The following HERC1 variants were observed in gnomAD, a reference collection of about 807,000 sequenced individuals.
HERC1 encodes probable E3 ubiquitin-protein ligase HERC1.
In HERC1, 160 loss-of-function variants were observed where a neutral mutation model predicts 554.3. The ratio of observed to expected loss-of-function variants is 0.29; its 90% confidence interval spans 0.25 to 0.33. The LOEUF is 0.33. Among genes scored for constraint, HERC1 ranks in the 10% least tolerant of loss-of-function variants. The pLI, the probability that HERC1 is intolerant of heterozygous loss-of-function variation, is 1.00. For missense variants in HERC1, 4,919 were observed against 5,918.5 expected (o/e 0.83, Z 5.54); for synonymous variants, 2,175 against 2,131.7 (o/e 1.02, Z -0.56).
chr15:63,741,092 G>A (rs1197376987), intron 12 of HERC1, among the ~76,000 whole-genome samples: 3 of 151,558 alleles, frequency 2.0e-5, no homozygotes, highest in Admixed American at 2.0e-4. Flanking sequence ...GCAATGGTGC[G>A]GTCTCCACTC....
At chr15:63,733,888 A>AT (rs1312230958) in intron 13 of HERC1, among the ~76,000 whole-genome samples, 1 of 151,862 alleles carries the variant, frequency 6.6e-6, no homozygotes, top group African/African-American at 2.4e-5. Flanking sequence ...TGGACCAGGC[A>AT]TAGTGGTCTC....
chr15:63,621,859 C>T (rs943402294), intron 74 of HERC1, among the ~76,000 whole-genome samples: 1 of 152,068 alleles, frequency 6.6e-6, no homozygotes, highest in Non-Finnish European at 1.5e-5. Context: ...TTAAGGACTT[C>T]TCTGCATTGG....
rs1373918991 is a variant in HERC1, at chr15:63,694,286, T to C, written c.5480+26A>G. The C allele has an allele frequency of 6.3e-7, 1 of 1,597,340 alleles. No homozygotes were observed. Among genetic ancestry groups the C allele is most frequent in the African/African-American group, 1.3e-5 (1 of 74,628 alleles). On this transcript the variant is annotated intron_variant, in intron 29 of 77. Transcript: ENST00000443617. The surrounding 1 kb of genome is among the most constrained non-coding windows in gnomAD (Gnocchi z 4.3). ...GGAGGAAGACCAGACTTCATACAGT[T>C]CTACAAAGACATCTACCATACTTAC...
intron 12 of HERC1, among the ~76,000 whole-genome samples, chr15:63,745,533 A>G (rs1296478887): frequency 6.6e-6 from 1 of 152,148 alleles, no homozygotes; most frequent in Non-Finnish European, 1.5e-5. Flanking sequence ...TTTCTGCTCT[A>G]ACAGGATAGC....
chr15:63,826,574 A>G (rs2077910802), intron 1 of HERC1, among the ~76,000 whole-genome samples: 1 of 151,836 alleles, frequency 6.6e-6, no homozygotes, highest in South Asian at 2.1e-4. Flanking sequence ...TAGCACTTCC[A>G]TTAAATGCAA....
At chr15:63,822,054 G>A (rs2077719100) in intron 1 of HERC1, among the ~76,000 whole-genome samples, 1 of 151,840 alleles carries the variant, frequency 6.6e-6, no homozygotes, top group Non-Finnish European at 1.5e-5. Context: ...TGAAGTCTGA[G>A]GCACTCTCTT....
intron 19 of HERC1, among the ~76,000 whole-genome samples, chr15:63,720,704 A>C (rs2073782379): frequency 6.6e-6 from 1 of 152,228 alleles, no homozygotes; most frequent in South Asian, 2.1e-4. Context: ...TCAGGCTCTT[A>C]GGAAATCATC....
intron 13 of HERC1, 64 bp from the exon 14 acceptor site, chr15:63,733,209 G>A (rs2074367936): frequency 9.2e-7 from 1 of 1,084,196 alleles, no homozygotes; most frequent in Middle Eastern, 2.3e-4. Context: ...AACACAAAAG[G>A]ATCCCAGAAA....
At chr15:63,636,989 T>TA (rs1184471728) in intron 64 of HERC1, 9 of 375,198 alleles carry the variant, frequency 2.4e-5, no homozygotes, top group Admixed American at 2.2e-4. Context: ...TGCTTTTACC[T>TA]AAAAAAACCG....
chr15:63,609,097 G>A lies in HERC1; in HGVS notation c.14570C>T (p.Ser4857Phe). The change falls in exon 78 of 78, where the codon TCC becomes TTC. Residue 4857 changes from serine (S) to phenylalanine (F), a missense_variant. This residue lies in a region of HERC1 where 71 missense variants were observed against 101.4 expected (regional missense o/e 0.70). Transcript: ENST00000443617. ...CCCGCACGGTCAGTAGTCAGTGTCG[G>A]AGCCCTCGGCGTTGTCCACGTTTCT... ...LSRNVDNAEG[S>F]DTDY 6.2e-7 allele frequency: 1 copy of A among 1,613,594 alleles called. No homozygotes were observed. Among genetic ancestry groups the A allele is most frequent in the Non-Finnish European group, 8.5e-7 (1 of 1,179,704 alleles).
At chr15:63,698,049 T>C (rs1337422450) in intron 26 of HERC1, among the ~76,000 whole-genome samples, 1 of 152,206 alleles carries the variant, frequency 6.6e-6, no homozygotes, top group Non-Finnish European at 1.5e-5. Context: ...TGGGTCTTGA[T>C]TGCAGCAATT....
In HERC1 at chr15:63,792,444, A is replaced by T. The variant is rs573594919; in HGVS notation, c.-26-16795T>A. Among the ~76,000 whole-genome samples, 8 of 149,112 alleles carry T rather than the reference A, an allele frequency of 5.4e-5. No individual in the cohort carries two copies. In the East Asian group the frequency reaches 9.7e-4, roughly 18 times the overall value. ...CAGAAGATATTACTGACTTTTCAAA[A>T]CCCTTTCCAGATACAACCCTATCAG... On this transcript the variant is annotated intron_variant, in intron 1 of 77. Coordinates refer to ENST00000443617, the MANE Select transcript of HERC1 (RefSeq NM_003922.4).
At position 63,695,000 on chromosome 15, in the gene HERC1, G is replaced by A. The variant is rs1401256775; in HGVS notation, c.5122-106C>T. On this transcript the variant is annotated intron_variant, in intron 27 of 77. Transcript: ENST00000443617. The surrounding 1 kb of genome is among the most constrained non-coding windows in gnomAD (Gnocchi z 4.3). ...CTAGTCTATGCTAGAGCCTTACGAT[G>A]GTTTTTAATTATTTACTATATTTCA... 8.0e-6 allele frequency: 8 copies of A among 1,003,388 alleles called. No homozygotes were observed. The highest frequency in any genetic ancestry group is 1.1e-5 in the Non-Finnish European group (8 of 735,506). 62.2% of individuals were successfully genotyped at this position (1,003,388 alleles called of 1,614,324 possible).
rs375937848 is a variant in HERC1 at position 63,786,276 on chromosome 15, TAA to T, written c.-26-10629_-26-10628del. Among the ~76,000 whole-genome samples, 239 of 126,246 alleles carry T rather than the reference TAA, an allele frequency of 1.9e-3. 1 individual carries two copies. The highest frequency in any genetic ancestry group is 4.5e-3 in the African/African-American group (151 of 33,724). 82.8% of individuals were successfully genotyped at this position (126,246 alleles called of 152,430 possible). A position where few individuals can be genotyped will look rare whatever the true frequency, so the allele number is the denominator to read the frequency against. ...CAACACAGCAAGATCATGTTTCTATTAAAAAAAAAAAAAAAAAAGAAGAAGAA... is the reference window on the plus strand; with the variant it reads ...CAACACAGCAAGATCATGTTTCTATTAAAAAAAAAAAAAAAAGAAGAAGAA... On this transcript the variant is annotated intron_variant, in intron 1 of 77. Coordinates refer to ENST00000443617, the MANE Select transcript of HERC1 (RefSeq NM_003922.4).
chr15:63,616,920 G>A (rs369761338), intron 74 of HERC1, among the ~76,000 whole-genome samples: 16 of 152,156 alleles, frequency 1.1e-4, no homozygotes, highest in African/African-American at 3.6e-4. Context: ...ACAGCACATG[G>A]ACTATATTCT....
In HERC1 at chr15:63,612,120, G is replaced by A. The variant is rs183466963; in HGVS notation, c.14400+131C>T. On this transcript the variant is annotated intron_variant, in intron 77 of 77. Coordinates refer to ENST00000443617, the MANE Select transcript of HERC1 (RefSeq NM_003922.4). This position sits in a 1 kb window ranked among gnomAD's most constrained non-coding sequence, Gnocchi z 5.0. ...GGAGAACTGCTTGAAGCTAGGAAGCGGAGGTTGCAGTAAGCTAAAATCATG... is the reference window on the plus strand; with the variant it reads ...GGAGAACTGCTTGAAGCTAGGAAGCAGAGGTTGCAGTAAGCTAAAATCATG... The A allele has an allele frequency of 3.7e-4, 281 of 758,974 alleles. 3 individuals carry two copies. In the East Asian group the frequency reaches 6.5e-3, roughly 17 times the overall value. The allele number at this position is 758,974 out of a possible 1,614,324, so 47.0% of individuals were successfully genotyped here. A position where few individuals can be genotyped will look rare whatever the true frequency, so the allele number is the denominator to read the frequency against.
intron 1 of HERC1, among the ~76,000 whole-genome samples, chr15:63,821,726 CAAAAA>C (rs35074987): frequency 6.4e-5 from 4 of 62,478 alleles, no homozygotes; most frequent in Admixed American, 1.9e-4. Flanking sequence ...TACCCTGTCT[CAAAAA>C]AAAAAAAAAA....
chr15:63,798,312 G>C (rs756218712), intron 1 of HERC1, among the ~76,000 whole-genome samples: 1 of 152,104 alleles, frequency 6.6e-6, no homozygotes, highest in Non-Finnish European at 1.5e-5. Flanking sequence ...TGACTACTCA[G>C]TGCTTAACCA....
chr15:63,787,534 G>C (rs28623578), intron 1 of HERC1, among the ~76,000 whole-genome samples: 1 of 152,092 alleles, frequency 6.6e-6, no homozygotes, highest in East Asian at 1.9e-4. Flanking sequence ...GTTACTGAAA[G>C]AAGAGAGAAC....
Sources: gnomAD v4.1 joint callset for allele counts (sites outside exome capture counted in the v4.1 genomes callset) on GRCh38, gnomAD v4.1.1 for gene constraint, gnomAD v4.1.1 regional missense constraint, Gnocchi (gnomAD v3.1) non-coding constraint, MANE v1.5 for transcripts, NCBI Gene and HGNC (gene_info 2026-07-23, HGNC 2026-07-21) for gene names.